Variants in UNC13C observed in about 807,000 individuals in gnomAD.
UNC13C encodes the protein protein unc-13 homolog C.
A neutral mutation model predicts 245.4 loss-of-function variants in UNC13C; 174 were observed. The ratio of observed to expected loss-of-function variants is 0.71; its 90% CI spans 0.63 to 0.80. The LOEUF is 0.80. UNC13C is among the 30% of genes least tolerant of loss of function. The pLI, the probability that UNC13C is intolerant of heterozygous loss-of-function variation, is 0.00. For missense variants in UNC13C, 2,829 were observed against 2,602.9 expected (o/e 1.09, Z -1.89); for synonymous variants, 992 against 895.1 (o/e 1.11, Z -1.93).
chr15:54,383,008 A>C (rs1297825765), intron 17 of UNC13C, among the ~76,000 whole-genome samples: 1 of 152,174 alleles, frequency 6.6e-6, no homozygotes, highest in African/African-American at 2.4e-5. Flanking sequence ...AGAAACAGGA[A>C]ATCTAAACAG....
the UNC13C span, among the ~76,000 whole-genome samples, chr15:53,886,022 A>G: frequency 1.2e-4 from 18 of 152,208 alleles, no homozygotes; most frequent in Non-Finnish European, 2.4e-4. Flanking sequence ...GGGAATTTAC[A>G]GATAACGAAG....
intron 13 of UNC13C, chr15:54,321,527 G>A (rs2038158737): frequency 4.3e-6 from 2 of 460,008 alleles, no homozygotes; most frequent in South Asian, 3.2e-5. Context: ...GGAGTGCTGG[G>A]TATTTGGGTT....
chr15:54,254,198 C>T (rs896606865), intron 8 of UNC13C, among the ~76,000 whole-genome samples: 4 of 152,150 alleles, frequency 2.6e-5, no homozygotes, highest in Non-Finnish European at 4.4e-5. Context: ...ATTTTGAAAT[C>T]ACATTTTAAG....
chr15:53,991,020 A>G (rs1894363706), intron 1 of UNC13C, among the ~76,000 whole-genome samples: 1 of 151,994 alleles, frequency 6.6e-6, no homozygotes, highest in Admixed American at 6.6e-5. Context: ...GTAGGGCCAC[A>G]CCTACTTCCA....
At chr15:54,202,184 G>A (rs1373541623) in intron 4 of UNC13C, among the ~76,000 whole-genome samples, 1 of 151,896 alleles carries the variant, frequency 6.6e-6, no homozygotes, top group Admixed American at 6.6e-5. Context: ...ACCAACAAAT[G>A]GAAACACATC....
At chr15:54,251,712 A>G (rs938581583) in intron 8 of UNC13C, among the ~76,000 whole-genome samples, 3 of 152,208 alleles carry the variant, frequency 2.0e-5, no homozygotes, top group African/African-American at 4.8e-5. Context: ...TCACATCTAA[A>G]TATTGTGCCC....
intron 14 of UNC13C, among the ~76,000 whole-genome samples, 162 bp downstream of exon 14, chr15:54,322,257 T>C (rs11630912): frequency 0.05 from 7,590 of 152,146 alleles, 281 homozygotes; most frequent in Admixed American, 0.11. Flanking sequence ...ACATTTTTAG[T>C]AAATTAACTT....
the UNC13C span, among the ~76,000 whole-genome samples, chr15:53,931,551 C>T: frequency 6.6e-6 from 1 of 151,960 alleles, no homozygotes; most frequent in African/African-American, 2.4e-5. Context: ...TCTTTGCTTC[C>T]TTCTTCCTAA....
chr15:53,935,826 C>A, the UNC13C span, among the ~76,000 whole-genome samples: 1 of 152,058 alleles, frequency 6.6e-6, no homozygotes, highest in African/African-American at 2.4e-5. Context: ...CAGGAGACCC[C>A]CTTGTGAGCC....
intron 17 of UNC13C, among the ~76,000 whole-genome samples, chr15:54,382,805 C>T (rs574285022): frequency 1.3e-5 from 2 of 152,008 alleles, no homozygotes; most frequent in East Asian, 1.9e-4. Context: ...GATAACTAGA[C>T]TACCCAAGAA....
chr15:54,271,913 C>T (rs2036697609), intron 10 of UNC13C, among the ~76,000 whole-genome samples: 1 of 152,146 alleles, frequency 6.6e-6, no homozygotes, highest in Non-Finnish European at 1.5e-5. Context: ...TTTAATTCCA[C>T]CTAATTTCCT....
At chr15:54,177,963 T>C (rs1567071577) in intron 4 of UNC13C, among the ~76,000 whole-genome samples, 1 of 152,160 alleles carries the variant, frequency 6.6e-6, no homozygotes, top group Non-Finnish European at 1.5e-5. Flanking sequence ...CTGCCTATGA[T>C]CACACAGGAA....
chr15:54,061,505 A>T (rs1897833219), intron 2 of UNC13C, among the ~76,000 whole-genome samples: 1 of 152,172 alleles, frequency 6.6e-6, no homozygotes, highest in African/African-American at 2.4e-5. Context: ...TGGAGCACAA[A>T]GACCAACTTA....
intron 18 of UNC13C, among the ~76,000 whole-genome samples, chr15:54,412,117 A>G (rs1373048499): frequency 6.6e-6 from 1 of 152,054 alleles, no homozygotes; most frequent in African/African-American, 2.4e-5. Context: ...GAGGCAAGAG[A>G]ATCGCTTGAA....
rs77581938 is a variant in UNC13C, at chr15:54,048,090, C to CT, written c.2983+32211dup. ...TGCTTATACTTATTTAAAGGTAATC[C>CT]TTTTTTTATCAGCCAAAACATGCTT... is the stretch of plus-strand genomic sequence containing the variant. On this transcript the variant is annotated intron_variant, in intron 2 of 32. Coordinates refer to ENST00000260323, the MANE Select transcript of UNC13C (RefSeq NM_001080534.3). Among the ~76,000 whole-genome samples, 451 of 152,100 alleles carry CT rather than the reference C, an allele frequency of 3.0e-3. 17 individuals are homozygous for CT. In the East Asian group the frequency reaches 0.049, roughly 17 times the overall value.
the UNC13C span, among the ~76,000 whole-genome samples, chr15:53,927,631 A>G: frequency 6.6e-6 from 1 of 152,208 alleles, no homozygotes; most frequent in Non-Finnish European, 1.5e-5. Flanking sequence ...TGTACAGAAC[A>G]CAAGTGGTTA....
At chr15:54,024,347 T>G (rs1379666404) in intron 2 of UNC13C, among the ~76,000 whole-genome samples, 1 of 152,182 alleles carries the variant, frequency 6.6e-6, no homozygotes, top group Non-Finnish European at 1.5e-5. Flanking sequence ...TCAAGAGAAT[T>G]ACCTAGTTAC....
At chr15:54,163,980 A>G (rs1157927192) in intron 4 of UNC13C, among the ~76,000 whole-genome samples, 1 of 152,168 alleles carries the variant, frequency 6.6e-6, no homozygotes, top group East Asian at 1.9e-4. Context: ...CTGTAATAGC[A>G]TTTGGTATGG....
At chr15:54,218,270 TCTC>T (rs2035103922) in intron 4 of UNC13C, among the ~76,000 whole-genome samples, 1 of 151,960 alleles carries the variant, frequency 6.6e-6, no homozygotes, top group South Asian at 2.1e-4. Context: ...GACATAATTT[TCTC>T]CTCCTCTTTC....
Sources: allele counts gnomAD v4.1 joint callset (sites outside exome capture counted in the v4.1 genomes callset), GRCh38; gene constraint gnomAD v4.1.1; transcripts MANE v1.5; gene names NCBI Gene and HGNC (gene_info 2026-07-23, HGNC 2026-07-21).